VAV2: variants seen among roughly 807,000 people sequenced by gnomAD.
The protein encoded by VAV2 is vav guanine nucleotide exchange factor 2.
Under a neutral mutation model 132.5 loss-of-function variants are expected in VAV2, and 67 were observed. The observed-to-expected ratio is 0.51, with a 90% CI of 0.42 to 0.62. The LOEUF (loss-of-function observed/expected upper bound fraction) is 0.62. Ranked by LOEUF, VAV2 falls within the 20% of genes least tolerant of loss-of-function variation. VAV2 has a pLI of 0.00. For missense variants in VAV2, 938 were observed against 1,153.6 expected (o/e 0.81, Z 2.71); for synonymous variants, 492 against 443.5 (o/e 1.11, Z -1.37).
chr9:133,886,460 C>T (rs1233952108), intron 2 of VAV2, among the ~76,000 whole-genome samples: 1 of 152,206 alleles, frequency 6.6e-6, no homozygotes, highest in South Asian at 2.1e-4. Flanking sequence ...ACAGTCTGAG[C>T]TCTGGCCAGG....
At chr9:133,796,610 G>A in intron 10 of VAV2, 86 bp from the exon 11 acceptor site, 2 of 1,251,230 alleles carry the variant, frequency 1.6e-6, no homozygotes, top group South Asian at 1.4e-5. Flanking sequence ...AGAGAGGGGA[G>A]ACCTAAGCCC....
chr9:133,871,416 G>GGATGAATA (rs1440939201), intron 2 of VAV2, among the ~76,000 whole-genome samples: 108 of 149,966 alleles, frequency 7.2e-4, no homozygotes, highest in African/African-American at 2.5e-3. Context: ...ATGGATGGAT[G>GGATGAATA]GATGGACAGA....
intron 4 of VAV2, among the ~76,000 whole-genome samples, chr9:133,820,329 CTTTTTT>C (rs1235525920): frequency 9.9e-5 from 13 of 131,504 alleles, no homozygotes; most frequent in African/African-American, 3.1e-4. Context: ...TTTTCTTTTT[CTTTTTT>C]TTTTTTTTGA....
intron 2 of VAV2, among the ~76,000 whole-genome samples, chr9:133,915,143 A>G (rs1451921972): frequency 6.6e-6 from 1 of 152,078 alleles, no homozygotes; most frequent in African/African-American, 2.4e-5. Context: ...CAGGGAGTTC[A>G]CACCCACTTT....
intron 1 of VAV2, among the ~76,000 whole-genome samples, chr9:133,957,577 G>C (rs1030527015): frequency 6.6e-6 from 1 of 152,160 alleles, no homozygotes; most frequent in African/African-American, 2.4e-5. Flanking sequence ...GGGACATGCG[G>C]GCCTGGTACC....
rs903614272 is a variant in VAV2, at chr9:133,867,635, C to G, written c.322-6203G>C. Among the ~76,000 whole-genome samples, 5 of 152,270 alleles carry G rather than the reference C, an allele frequency of 3.3e-5. No individual in the cohort carries two copies. In the East Asian group the frequency reaches 9.6e-4, roughly 29 times the overall value. On this transcript the variant is annotated intron_variant, in intron 2 of 29. Coordinates refer to ENST00000371850, the MANE Select transcript of VAV2 (RefSeq NM_001134398.2). ...CACCAGGTGAAGACAAGAGTAGCAG[C>G]AGCCAATGGCTTTCAGTGCCCCGCA...
At chr9:133,938,806 G>A (rs188489418) in intron 2 of VAV2, among the ~76,000 whole-genome samples, 150 of 152,250 alleles carry the variant, frequency 9.9e-4, no homozygotes, top group African/African-American at 3.5e-3. Context: ...ACAGGGCCAG[G>A]GTTGTCTGCA....
intron 3 of VAV2, among the ~76,000 whole-genome samples, chr9:133,853,525 G>T (rs1193536417): frequency 1.3e-5 from 2 of 152,112 alleles, no homozygotes; most frequent in Non-Finnish European, 2.9e-5. Flanking sequence ...GGTGTGGCAG[G>T]TTCCATCTGA....
At chr9:133,783,694 G>T in intron 18 of VAV2, 103 bp from the exon 19 acceptor site, 1 of 1,036,570 alleles carries the variant, frequency 9.6e-7, no homozygotes, top group Non-Finnish European at 1.5e-6. Flanking sequence ...CACCTGGCTG[G>T]CTGTCTCCCA....
chr9:133,908,283 C>T (rs1422313616), intron 2 of VAV2, among the ~76,000 whole-genome samples: 1 of 152,048 alleles, frequency 6.6e-6, no homozygotes, highest in Non-Finnish European at 1.5e-5. Flanking sequence ...CCTGGACCCG[C>T]AGCAGGAAAA....
intron 2 of VAV2, among the ~76,000 whole-genome samples, chr9:133,888,133 C>CT (rs1838786859): frequency 6.6e-6 from 1 of 152,194 alleles, no homozygotes; most frequent in Admixed American, 6.5e-5. Context: ...CCGCAGGACT[C>CT]TCTTACATGA....
chr9:133,828,707 C>G (rs1034552631), intron 4 of VAV2, among the ~76,000 whole-genome samples: 6 of 152,228 alleles, frequency 3.9e-5, no homozygotes, highest in Non-Finnish European at 7.3e-5. Context: ...CCCCGGGGAA[C>G]TTCCACAATT....
At chr9:133,905,116 C>T (rs948204344) in intron 2 of VAV2, among the ~76,000 whole-genome samples, 10 of 152,220 alleles carry the variant, frequency 6.6e-5, no homozygotes, top group African/African-American at 2.4e-4. Flanking sequence ...CTGGCCCACA[C>T]TTCACAGCAC....
chr9:133,808,509 T>G (rs1004391218), intron 7 of VAV2, among the ~76,000 whole-genome samples: 8 of 152,118 alleles, frequency 5.3e-5, no homozygotes, highest in African/African-American at 1.9e-4. Flanking sequence ...TCCTCAGCAC[T>G]CTAGGAGCTC....
intron 2 of VAV2, among the ~76,000 whole-genome samples, chr9:133,866,931 G>A (rs1018731854): frequency 5.9e-5 from 9 of 152,120 alleles, no homozygotes; most frequent in East Asian, 3.8e-4. Context: ...CGGGAACTCC[G>A]GGCCGCACAA....
chr9:133,763,807 C>A lies in VAV2; in HGVS notation c.*255G>T, dbSNP rs762409285. 2.0e-4 allele frequency: 103 copies of A among 513,852 alleles called. No homozygotes were observed. Among genetic ancestry groups the A allele is most frequent in the Non-Finnish European group, 3.1e-4 (87 of 283,474 alleles). The allele number at this position is 513,852 out of a possible 1,614,324, so 31.8% of individuals were successfully genotyped here. A position where few individuals can be genotyped will look rare whatever the true frequency, so the allele number is the denominator to read the frequency against. On this transcript the variant is annotated 3_prime_UTR_variant, in exon 30 of 30. Coordinates refer to ENST00000371850, the MANE Select transcript of VAV2 (RefSeq NM_001134398.2). The surrounding 1 kb of genome is among the most constrained non-coding windows in gnomAD (Gnocchi z 6.8). Reference sequence around the variant, plus strand: ...TGGCTCGCAGCGCTGTCGGTGCCCCCTCCTCTGCGCTCTGGGTGGGGCTAG... The same window carrying A: ...TGGCTCGCAGCGCTGTCGGTGCCCCATCCTCTGCGCTCTGGGTGGGGCTAG...
At chr9:133,927,160 C>T (rs2132093938) in intron 2 of VAV2, among the ~76,000 whole-genome samples, 1 of 152,202 alleles carries the variant, frequency 6.6e-6, no homozygotes, top group South Asian at 2.1e-4. Flanking sequence ...AGCTATTGTG[C>T]TCTCTCCTCT....
At chr9:133,964,429 ATATT>A (rs1211142195) in intron 1 of VAV2, among the ~76,000 whole-genome samples, 1 of 152,124 alleles carries the variant, frequency 6.6e-6, no homozygotes, top group African/African-American at 2.4e-5. Flanking sequence ...TATAATACAC[ATATT>A]TATGTATATA....
chr9:133,930,827 G>A (rs112326625), intron 2 of VAV2, among the ~76,000 whole-genome samples: 89 of 152,230 alleles, frequency 5.8e-4, no homozygotes, highest in African/African-American at 2.1e-3. Context: ...GTCCAGCGTC[G>A]CCAGCTGGCA....
Sources: gnomAD v4.1 joint callset for allele counts (sites outside exome capture counted in the v4.1 genomes callset) on GRCh38, gnomAD v4.1.1 for gene constraint, Gnocchi (gnomAD v3.1) non-coding constraint, MANE v1.5 for transcripts, NCBI Gene and HGNC (gene_info 2026-07-23, HGNC 2026-07-21) for gene names.